Variants in SH3GL2 observed in about 807,000 individuals in gnomAD.
SH3GL2 encodes SH3 domain containing GRB2 like 2, endophilin A1, also known as endophilin-A1.
Under a neutral mutation model 46.0 loss-of-function variants are expected in SH3GL2, and 24 were observed. The ratio of observed to expected loss-of-function variants is 0.52; its 90% CI spans 0.38 to 0.73. SH3GL2 has a LOEUF of 0.73. Among genes scored for constraint, SH3GL2 ranks in the 30% least tolerant of loss-of-function variants. The pLI, the probability that SH3GL2 is intolerant of heterozygous loss-of-function variation, is 0.00. For synonymous variants in SH3GL2, 196 were observed against 147.1 expected (o/e 1.33, Z -2.40); for missense variants, 413 against 424.2 (o/e 0.97, Z 0.23).
At chr9:17,726,778 T>C (rs1822030232) in intron 1 of SH3GL2, among the ~76,000 whole-genome samples, 1 of 152,172 alleles carries the variant, frequency 6.6e-6, no homozygotes, top group African/African-American at 2.4e-5. Flanking sequence ...AATCATCAGA[T>C]TTGCAAAAAT....
intron 1 of SH3GL2, among the ~76,000 whole-genome samples, chr9:17,686,719 C>T (rs1266379291): frequency 7.2e-6 from 1 of 139,280 alleles, no homozygotes; most frequent in Non-Finnish European, 1.5e-5. Context: ...TATTCTCACT[C>T]ATAGGTGGGA....
Position 17,717,956 on chromosome 9 carries a change from C to T in SH3GL2, c.46-29110C>T, listed in dbSNP as rs552164965. The stretch of plus-strand genomic sequence containing the variant: ...ATTAATAAGTTTTAGTGTGTGCCAA[C>T]AGGGGGTGGAAACATGACAGTAAGT... On this transcript the variant is annotated intron_variant, in intron 1 of 8. Coordinates refer to ENST00000380607, the MANE Select transcript of SH3GL2 (RefSeq NM_003026.5). 1.0e-3 allele frequency among the ~76,000 whole-genome samples: 153 copies of T among 152,170 alleles called. 1 individual carries two copies. The highest frequency in any genetic ancestry group is 3.5e-3 in the African/African-American group (145 of 41,546).
intron 1 of SH3GL2, among the ~76,000 whole-genome samples, chr9:17,598,102 C>G (rs1180617115): frequency 1.3e-5 from 2 of 152,196 alleles, no homozygotes; most frequent in Non-Finnish European, 2.9e-5. Context: ...ACCTGACATT[C>G]TGTTGTGGAG....
intron 1 of SH3GL2, among the ~76,000 whole-genome samples, chr9:17,708,572 T>G (rs985123192): frequency 6.6e-5 from 10 of 152,006 alleles, no homozygotes; most frequent in Admixed American, 2.6e-4. Flanking sequence ...TGCGTTATAC[T>G]TTATTTATAA....
At chr9:17,755,102 G>C (rs768936776) in intron 2 of SH3GL2, among the ~76,000 whole-genome samples, 2 of 152,154 alleles carry the variant, frequency 1.3e-5, no homozygotes, top group African/African-American at 4.8e-5. Flanking sequence ...TGCCCATTCA[G>C]TATGATGTTG....
At chr9:17,770,853 C>G (rs1264277197) in intron 3 of SH3GL2, among the ~76,000 whole-genome samples, 1 of 152,162 alleles carries the variant, frequency 6.6e-6, no homozygotes, top group Admixed American at 6.5e-5. Context: ...AGTGAACAGC[C>G]CGGACTCAGG....
At chr9:17,602,896 C>T (rs1328187827) in intron 1 of SH3GL2, among the ~76,000 whole-genome samples, 3 of 152,100 alleles carry the variant, frequency 2.0e-5, no homozygotes, top group South Asian at 4.1e-4. Context: ...ATCTTAAATC[C>T]CCTGCAAAGT....
chr9:17,650,814 T>C (rs1026288858), intron 1 of SH3GL2, among the ~76,000 whole-genome samples: 7 of 152,234 alleles, frequency 4.6e-5, no homozygotes, highest in Non-Finnish European at 8.8e-5. Flanking sequence ...TTAGGGCATC[T>C]TGAGACTGCC....
chr9:17,602,984 C>G (rs923169691), intron 1 of SH3GL2, among the ~76,000 whole-genome samples: 5 of 152,104 alleles, frequency 3.3e-5, no homozygotes, highest in African/African-American at 1.2e-4. Context: ...TTAGTTGTAG[C>G]AAAGAGCCAC....
At chr9:17,618,875 G>C (rs902113506) in intron 1 of SH3GL2, among the ~76,000 whole-genome samples, 3 of 151,808 alleles carry the variant, frequency 2.0e-5, no homozygotes, top group Admixed American at 6.6e-5. Context: ...CTCCTTGCAA[G>C]AGAGAGAGAG....
intron 1 of SH3GL2, among the ~76,000 whole-genome samples, chr9:17,594,635 T>A (rs1475942312): frequency 6.6e-6 from 1 of 151,950 alleles, no homozygotes; most frequent in East Asian, 1.9e-4. Flanking sequence ...ATCCTGGAAC[T>A]TAAAGTAAAA....
rs758297455 is a variant in SH3GL2, at chr9:17,747,177, T to A, written c.114+43T>A. The A allele has an allele frequency of 2.0e-5, 24 of 1,217,700 alleles. 1 individual carries two copies. In the African/African-American group the frequency reaches 2.4e-4, roughly 12 times the overall value. The allele number at this position is 1,217,700 out of a possible 1,614,324, so 75.4% of individuals were successfully genotyped here. ...CCTAGTGTTCCCTTTGACATAAACATGTCTACCATAATTAGAGGAGAAGAG... is the reference window on the plus strand; with the variant it reads ...CCTAGTGTTCCCTTTGACATAAACAAGTCTACCATAATTAGAGGAGAAGAG... On this transcript the variant is annotated intron_variant, in intron 2 of 8. Transcript: ENST00000380607.
intron 3 of SH3GL2, among the ~76,000 whole-genome samples, chr9:17,781,700 C>T (rs1426850960): frequency 4.6e-5 from 7 of 152,098 alleles, no homozygotes; most frequent in Non-Finnish European, 1.5e-5. Flanking sequence ...TCTGGTTGTT[C>T]CAAACTCTGA....
At chr9:17,706,661 A>G (rs1821480126) in intron 1 of SH3GL2, among the ~76,000 whole-genome samples, 2 of 152,024 alleles carry the variant, frequency 1.3e-5, no homozygotes, top group Admixed American at 1.3e-4. Flanking sequence ...GTAAATGGGC[A>G]TTTTGGTTTA....
intron 3 of SH3GL2, among the ~76,000 whole-genome samples, chr9:17,773,415 T>C (rs1823549074): frequency 1.3e-5 from 2 of 152,174 alleles, no homozygotes; most frequent in African/African-American, 4.8e-5. Flanking sequence ...TTTGCCTGTG[T>C]TTTCTTCTAA....
intron 2 of SH3GL2, among the ~76,000 whole-genome samples, chr9:17,761,082 C>G (rs1390435826): frequency 6.6e-6 from 1 of 152,210 alleles, no homozygotes; most frequent in Non-Finnish European, 1.5e-5. Context: ...TTGAGGGCAG[C>G]AAAATCTGCC....
chr9:17,727,333 C>T (rs535693433), intron 1 of SH3GL2, among the ~76,000 whole-genome samples: 2 of 152,266 alleles, frequency 1.3e-5, no homozygotes, highest in Non-Finnish European at 2.9e-5. Context: ...TTTTGAACAG[C>T]TCACAAGCTA....
At chr9:17,645,069 A>G (rs1244443369) in intron 1 of SH3GL2, among the ~76,000 whole-genome samples, 2 of 147,568 alleles carry the variant, frequency 1.4e-5, no homozygotes, top group East Asian at 4.0e-4. Flanking sequence ...TTCCTTTACC[A>G]TTATGTAATG....
intron 1 of SH3GL2, among the ~76,000 whole-genome samples, chr9:17,602,305 G>C (rs758329233): frequency 6.6e-6 from 1 of 152,190 alleles, no homozygotes; most frequent in Admixed American, 6.5e-5. Flanking sequence ...CTGTCCAAAA[G>C]GCGAAAGTAA....
Sources: allele counts gnomAD v4.1 joint callset (sites outside exome capture counted in the v4.1 genomes callset), GRCh38; gene constraint gnomAD v4.1.1; transcripts MANE v1.5; gene names NCBI Gene and HGNC (gene_info 2026-07-23, HGNC 2026-07-21).